The following SFI1 variants were observed in gnomAD, a reference collection of about 807,000 sequenced individuals.
SFI1 encodes protein SFI1 homolog.
Under a neutral mutation model 207.5 loss-of-function variants are expected in SFI1, and 195 were observed. That is an observed-to-expected ratio of 0.94 (90% CI 0.84 to 1.06). The LOEUF (loss-of-function observed/expected upper bound fraction) is 1.06, where lower values mean the gene tolerates loss of function less well. Among genes scored for constraint, SFI1 ranks in the 50% least tolerant of loss-of-function variants. The pLI is 0.00. For missense variants in SFI1, 1,634 were observed against 1,588.0 expected, an observed-to-expected ratio of 1.03 and a Z score of -0.49; for synonymous variants, 630 against 598.9, an observed-to-expected ratio of 1.05 and a Z score of -0.76.
chr22:31,609,664 C>A (rs940745480), intron 22 of SFI1, among the ~76,000 whole-genome samples: 5 of 152,224 alleles, frequency 3.3e-5, no homozygotes, highest in Non-Finnish European at 7.3e-5. Context: ...GGGACAAAAC[C>A]CTGGGGTCAG....
At chr22:31,572,893 T>C (rs1014481035) in intron 8 of SFI1, 165 bp from the exon 9 acceptor site, 6 of 598,348 alleles carry the variant, frequency 1.0e-5, no homozygotes, top group Non-Finnish European at 1.5e-5. Context: ...AAAGACCCTT[T>C]TACCCCACGG....
At chr22:31,552,760 C>T (rs1188454191) in intron 6 of SFI1, among the ~76,000 whole-genome samples, 1 of 152,096 alleles carries the variant, frequency 6.6e-6, no homozygotes, top group African/African-American at 2.4e-5. Context: ...TACTGTTTTC[C>T]ATAGAGGTTC....
chr22:31,616,851 G>A lies in SFI1; in HGVS notation c.3407G>A (p.Arg1136Lys), dbSNP rs1281781493. Residue 1136 changes from arginine to lysine, a missense_variant, in exon 30 of 33, where the codon AGG becomes AAG. Transcript: ENST00000400288. ...LLLPGDFSAT[R>K]AGPGLSTAGS... ...CTTCCTGGGGACTTCTCAGCCACCAGGGCTGGGCCTGGACTTTCAACTGCA... is the reference window on the plus strand; with the variant it reads ...CTTCCTGGGGACTTCTCAGCCACCAAGGCTGGGCCTGGACTTTCAACTGCA... 3 of 1,612,702 alleles carry A rather than the reference G, an allele frequency of 1.9e-6. No homozygotes were observed. Among genetic ancestry groups the A allele is most frequent in the African/African-American group, 2.7e-5 (2 of 74,888 alleles).
chr22:31,539,937 A>G (rs1465985487), intron 4 of SFI1, among the ~76,000 whole-genome samples: 1 of 152,006 alleles, frequency 6.6e-6, no homozygotes, highest in Non-Finnish European at 1.5e-5. Context: ...GCTGGTCTCA[A>G]ACTCCTGACT....
intron 1 of SFI1, 50 bp from the exon 2 acceptor site, chr22:31,508,205 T>G: frequency 9.2e-7 from 1 of 1,091,446 alleles, no homozygotes; most frequent in Non-Finnish European, 1.4e-6. Flanking sequence ...ATGTGGCTCC[T>G]GAGAGGCTGC....
chr22:31,533,461 C>G (rs923513755), intron 4 of SFI1, among the ~76,000 whole-genome samples: 1 of 152,070 alleles, frequency 6.6e-6, no homozygotes, highest in African/African-American at 2.4e-5. Context: ...ACCCGGGAGG[C>G]CGAGGTTGCA....
rs774355232 is a variant in SFI1, at chr22:31,528,715, A to G, written c.118A>G (p.Lys40Glu). Residue 40 changes from lysine to glutamate, a missense_variant, in exon 3 of 33, where the codon AAA becomes GAA. Lys to Glu is a moderately conservative substitution (Grantham distance 56). Coordinates refer to ENST00000400288, the MANE Select transcript of SFI1 (RefSeq NM_001007467.3). ...GTATTTTAAGGATGGTGCAGTTAAG[A>G]AACCTTATTCTGCAAAGACACTGTC... ...SRYFKDGAVKKPYSAKTLSNK... is the reference protein window; with the variant it reads ...SRYFKDGAVKEPYSAKTLSNK... 4.3e-6 allele frequency: 7 copies of G among 1,614,130 alleles called. No individual in the cohort carries two copies. The highest frequency in any genetic ancestry group is 5.9e-6 in the Non-Finnish European group (7 of 1,180,014).
At chr22:31,601,975 T>TTTTTTTTTTG (rs1220480206) in intron 15 of SFI1, among the ~76,000 whole-genome samples, 1 of 141,120 alleles carries the variant, frequency 7.1e-6, no homozygotes, top group Non-Finnish European at 1.6e-5. Context: ...AATTTTTTTG[T>TTTTTTTTTTG]AGAGATGGAG....
chr22:31,575,285 G>C lies in SFI1; in HGVS notation c.977G>C (p.Trp326Ser). 1 of 1,612,984 alleles carries C rather than the reference G, an allele frequency of 6.2e-7. No individual in the cohort carries two copies. The highest frequency in any genetic ancestry group is 1.1e-5 in the South Asian group (1 of 90,722). ...VTVLQIYFCDWQQAWERRESL... is the reference protein window; with the variant it reads ...VTVLQIYFCDSQQAWERRESL... Reference sequence around the variant, plus strand: ...GTGCTCCAGATATACTTCTGTGACTGGCAGCAGGCCTGGGAGCGGAGGGAG... The same window carrying C: ...GTGCTCCAGATATACTTCTGTGACTCGCAGCAGGCCTGGGAGCGGAGGGAG... Residue 326 changes from tryptophan to serine, a missense_variant, in exon 10 of 33, where the codon TGG becomes TCG. Coordinates refer to ENST00000400288, the MANE Select transcript of SFI1 (RefSeq NM_001007467.3).
At chr22:31,567,211 A>G (rs1033105677) in intron 8 of SFI1, among the ~76,000 whole-genome samples, 5 of 152,146 alleles carry the variant, frequency 3.3e-5, no homozygotes, top group Non-Finnish European at 7.3e-5. Flanking sequence ...GGCCAAGCCT[A>G]TTAGGATTTT....
intron 14 of SFI1, among the ~76,000 whole-genome samples, chr22:31,588,178 T>G (rs1463844667): frequency 6.6e-6 from 1 of 152,202 alleles, no homozygotes; most frequent in African/African-American, 2.4e-5. Context: ...TCTAGACGTT[T>G]TCTTCACACA....
rs773844373 is a variant in SFI1, at chr22:31,508,239, T to G, written c.-30-16T>G. 1 of 1,397,026 alleles carries G rather than the reference T, an allele frequency of 7.2e-7. No individual in the cohort carries two copies. Among genetic ancestry groups the G allele is most frequent in the Non-Finnish European group, 1.0e-6 (1 of 983,092 alleles). The allele number at this position is 1,397,026 out of a possible 1,614,324, so 86.5% of individuals were successfully genotyped here. A position where few individuals can be genotyped will look rare whatever the true frequency, so the allele number is the denominator to read the frequency against. On this transcript the variant is annotated splice_polypyrimidine_tract_variant and intron_variant, in intron 1 of 32. Coordinates refer to ENST00000400288, the MANE Select transcript of SFI1 (RefSeq NM_001007467.3). The stretch of plus-strand genomic sequence containing the variant: ...GCAAATCATTTTCTCTCTTTTTTAT[T>G]CTCTTTTTCTTGTAGTTAGAAGGGG...
At chr22:31,496,839 G>C (rs1374182220) in intron 1 of SFI1, among the ~76,000 whole-genome samples, 1 of 152,222 alleles carries the variant, frequency 6.6e-6, no homozygotes, top group African/African-American at 2.4e-5. Context: ...AGAGGGCGCA[G>C]GACGGGGCCC....
chr22:31,599,652 T>G (rs2067790884), intron 15 of SFI1, among the ~76,000 whole-genome samples: 1 of 151,618 alleles, frequency 6.6e-6, no homozygotes, highest in African/African-American at 2.4e-5. Flanking sequence ...TTTTTCTAAT[T>G]TTTTGTAGAA....
chr22:31,589,603 C>T, intron 15 of SFI1, 26 bp downstream of exon 15: 4 of 1,595,722 alleles, frequency 2.5e-6, no homozygotes, highest in Non-Finnish European at 3.4e-6. Flanking sequence ...CCTGTCTGCA[C>T]TGGGGCAGGT....
intron 24 of SFI1, 103 bp from the exon 25 acceptor site, chr22:31,613,039 G>T: frequency 1.6e-6 from 2 of 1,266,802 alleles, no homozygotes; most frequent in South Asian, 1.4e-5. Context: ...TGGGAGCCTC[G>T]ACTAGAGAGG....
chr22:31,502,313 A>G (rs1027830985), intron 1 of SFI1, among the ~76,000 whole-genome samples: 1 of 151,986 alleles, frequency 6.6e-6, no homozygotes, highest in African/African-American at 2.4e-5. Flanking sequence ...GAACCTATCA[A>G]TGACATTAAG....
chr22:31,558,291 C>T (rs1200201817), intron 7 of SFI1, among the ~76,000 whole-genome samples: 2 of 152,102 alleles, frequency 1.3e-5, no homozygotes, highest in East Asian at 3.8e-4. Flanking sequence ...CTTTGGGAGG[C>T]TAAGATGGGA....
At chr22:31,496,343 G>C (rs974706929), upstream of SFI1, 10 of 152,270 alleles carry the variant, frequency 6.6e-5, no homozygotes, top group African/African-American at 2.4e-4. Context: ...GATGCCCAGA[G>C]GGTGCATGCT....
Sources: gnomAD v4.1 joint callset for allele counts (sites outside exome capture counted in the v4.1 genomes callset) on GRCh38, gnomAD v4.1.1 for gene constraint, MANE v1.5 for transcripts, NCBI Gene and HGNC (gene_info 2026-07-23, HGNC 2026-07-21) for gene names.